LARGE1: variants seen among roughly 807,000 people sequenced by gnomAD.
LARGE1 encodes LARGE xylosyl- and glucuronyltransferase 1.
Under a neutral mutation model 87.6 loss-of-function variants are expected in LARGE1, and 43 were observed. That is an observed-to-expected ratio of 0.49 (90% confidence interval 0.38 to 0.63). LARGE1 has a LOEUF of 0.63. LARGE1 is among the 30% of genes least tolerant of loss of function. The probability of loss-of-function intolerance (pLI) is 0.00; values close to 1 mark genes in which losing one functional copy is unlikely to be tolerated. For missense variants in LARGE1, 802 were observed against 1,000.2 expected, an observed-to-expected ratio of 0.80 and a Z score of 2.67; for synonymous variants, 434 against 394.6, an observed-to-expected ratio of 1.10 and a Z score of -1.18.
chr22:33,462,549 G>A (rs530191795), intron 6 of LARGE1, among the ~76,000 whole-genome samples: 2 of 152,322 alleles, frequency 1.3e-5, no homozygotes, highest in Admixed American at 6.5e-5. Context: ...TAGGGAGGCC[G>A]AGGTGGGTGG....
At chr22:33,128,724 AGAAAG>A in the LARGE1 span, among the ~76,000 whole-genome samples, 54,245 of 148,730 alleles carry the variant, frequency 0.36, 10,241 homozygotes, top group South Asian at 0.45. Context: ...AGAAAAGAAA[AGAAAG>A]TGCGGTACAT....
chr22:33,305,502 C>T (rs958551145), intron 11 of LARGE1: 2 of 789,144 alleles, frequency 2.5e-6, no homozygotes. Context: ...TAAGAAACAG[C>T]AAAAGCCTAC....
At chr22:33,633,358 T>G (rs535556111) in intron 3 of LARGE1, among the ~76,000 whole-genome samples, 1 of 152,080 alleles carries the variant, frequency 6.6e-6, no homozygotes, top group South Asian at 2.1e-4. Context: ...GAGCAACCAG[T>G]GATATTAGGG....
At chr22:33,239,539 T>C (rs948171278) in intron 11 of LARGE1, among the ~76,000 whole-genome samples, 17 of 130,586 alleles carry the variant, frequency 1.3e-4, no homozygotes, top group East Asian at 1.0e-3. Flanking sequence ...TCTTTTCTTT[T>C]TTTTTTTTTT....
chr22:33,527,446 G>A (rs1025659961), intron 6 of LARGE1, among the ~76,000 whole-genome samples: 5 of 152,200 alleles, frequency 3.3e-5, no homozygotes, highest in African/African-American at 1.2e-4. Flanking sequence ...GAGCCAAGGC[G>A]ATCGGATTTA....
At chr22:33,815,738 T>C (rs1378705933) in intron 1 of LARGE1, among the ~76,000 whole-genome samples, 1 of 152,204 alleles carries the variant, frequency 6.6e-6, no homozygotes, top group African/African-American at 2.4e-5. Context: ...GAACTCTGTC[T>C]TTCTGTGAAC....
chr22:33,463,106 G>A (rs1414729785), intron 6 of LARGE1, among the ~76,000 whole-genome samples: 1 of 151,862 alleles, frequency 6.6e-6, no homozygotes, highest in Non-Finnish European at 1.5e-5. Context: ...TAAAAAGTAT[G>A]ACAACTAGAA....
chr22:33,131,406 G>A, the LARGE1 span, among the ~76,000 whole-genome samples: 2 of 151,800 alleles, frequency 1.3e-5, no homozygotes, highest in Admixed American at 6.6e-5. Context: ...GTTCTCTCAT[G>A]TCTCATTGCC....
At chr22:33,806,467 A>G (rs1421009037) in intron 1 of LARGE1, among the ~76,000 whole-genome samples, 2 of 152,222 alleles carry the variant, frequency 1.3e-5, no homozygotes, top group African/African-American at 4.8e-5. Context: ...AACTCTTGAC[A>G]TAATCACATA....
intron 12 of LARGE1, among the ~76,000 whole-genome samples, chr22:33,294,762 C>T (rs914877535): frequency 4.6e-5 from 7 of 152,152 alleles, no homozygotes; most frequent in African/African-American, 1.4e-4. Flanking sequence ...TTCATGGTTA[C>T]GTTTCCAGGT....
chr22:33,588,946 A>C (rs746738591), intron 5 of LARGE1, among the ~76,000 whole-genome samples: 1 of 152,222 alleles, frequency 6.6e-6, no homozygotes, highest in Non-Finnish European at 1.5e-5. Flanking sequence ...GTCTGGACTC[A>C]AGCTATCTGG....
At chr22:33,803,570 C>T (rs62225455) in intron 1 of LARGE1, among the ~76,000 whole-genome samples, 10,884 of 152,246 alleles carry the variant, frequency 0.071, 507 homozygotes, top group Admixed American at 0.11. Flanking sequence ...TGACTTACAG[C>T]ATCTCATGGC....
In LARGE1 at chr22:33,316,109, A is replaced by G; in HGVS notation, c.1427T>C (p.Leu476Pro). 6.2e-7 allele frequency: 1 copy of G among 1,613,996 alleles called. No homozygotes were observed. Among genetic ancestry groups the G allele is most frequent in the Non-Finnish European group, 8.5e-7 (1 of 1,179,928 alleles). The change falls in exon 11 of 15, where the codon CTG (leucine) becomes CCG (proline). Residue 476 changes from leucine (L) to proline (P), a missense_variant. By Grantham distance (98) the Leu-to-Pro change is moderately conservative. Coordinates refer to ENST00000397394, the MANE Select transcript of LARGE1 (RefSeq NM_133642.5). ...CCTGTCCATGGACAGCTGAGCGACC[A>G]GGGTGACGTCCGTGCTGTCTGCTGC... is the stretch of plus-strand genomic sequence containing the variant. The part of the protein sequence containing the change: ...EPAADSTDVT[L>P]VAQLSMDRLQ...
intron 2 of LARGE1, among the ~76,000 whole-genome samples, chr22:33,668,304 C>CCTTT (rs1477118031): frequency 6.6e-6 from 1 of 152,276 alleles, no homozygotes; most frequent in African/African-American, 2.4e-5. Flanking sequence ...AGTGAACACT[C>CCTTT]CTTTACCAGA....
chr22:33,675,511 T>C (rs529073967), intron 2 of LARGE1, among the ~76,000 whole-genome samples: 2 of 150,990 alleles, frequency 1.3e-5, no homozygotes, highest in East Asian at 3.9e-4. Flanking sequence ...AGGAAAGAGG[T>C]TGATGTACTT....
chr22:33,483,616 C>T (rs554843842), intron 6 of LARGE1, among the ~76,000 whole-genome samples: 5 of 151,528 alleles, frequency 3.3e-5, no homozygotes, highest in Non-Finnish European at 5.9e-5. Context: ...CCAAGGGGAA[C>T]GAAATAGGAG....
chr22:33,803,872 T>G (rs1325199559), intron 1 of LARGE1, among the ~76,000 whole-genome samples: 1 of 152,212 alleles, frequency 6.6e-6, no homozygotes, highest in Non-Finnish European at 1.5e-5. Context: ...TAAACTATAT[T>G]GTTTGCATCA....
intron 11 of LARGE1, among the ~76,000 whole-genome samples, chr22:33,257,473 A>T (rs1355759860): frequency 6.6e-6 from 1 of 151,734 alleles, no homozygotes; most frequent in Non-Finnish European, 1.5e-5. Flanking sequence ...AAACAAAAAA[A>T]AGGCAGGGGG....
intron 6 of LARGE1, among the ~76,000 whole-genome samples, chr22:33,554,510 T>C (rs1245220204): frequency 1.3e-5 from 2 of 152,274 alleles, no homozygotes; most frequent in South Asian, 2.1e-4. Context: ...CATCTCTGCA[T>C]GTCCAAAACC....
Sources: allele counts gnomAD v4.1 joint callset (sites outside exome capture counted in the v4.1 genomes callset), GRCh38; gene constraint gnomAD v4.1.1; transcripts MANE v1.5; gene names NCBI Gene and HGNC (gene_info 2026-07-23, HGNC 2026-07-21).